The following HCFC1 variants were observed in gnomAD, a reference collection of about 807,000 sequenced individuals.
HCFC1 encodes host cell factor C1, also known as host cell factor 1.
Under a neutral mutation model 105.5 loss-of-function variants are expected in HCFC1, and 7 were observed. The observed-to-expected ratio is 0.07, with a 90% CI of 0.04 to 0.12. The LOEUF (loss-of-function observed/expected upper bound fraction) is 0.12. Ranked by LOEUF, HCFC1 falls within the 10% of genes least tolerant of loss-of-function variation. The pLI is 1.00. For missense variants in HCFC1, 1,065 were observed against 1,823.6 expected, an observed-to-expected ratio of 0.58 and a Z score of 7.58; for synonymous variants, 918 against 828.1, an observed-to-expected ratio of 1.11 and a Z score of -1.86.
At position 153,955,440 on chromosome X, in the gene HCFC1, T is replaced by C; in HGVS notation, c.2959A>G (p.Thr987Ala). The change falls in exon 17 of 26, where the codon ACA becomes GCA. Residue 987 changes from threonine to alanine, a missense_variant. By Grantham distance (58) the Thr-to-Ala change is moderately conservative (BLOSUM62 0). Transcript: ENST00000310441. ...GTAACTGTGGCGGTGGGCTGTTCTG[T>C]AGTCGGGGAGGCCAGAATGGACACA... The part of the protein sequence containing the change: ...LPVSILASPT[T>A]EQPTATVTIA... The C allele has an allele frequency of 3.3e-6, 4 of 1,209,292 alleles. No homozygotes were observed. Among genetic ancestry groups the C allele is most frequent in the Non-Finnish European group, 4.5e-6 (4 of 894,118 alleles).
rs782447273 is a variant in HCFC1 at position 153,964,025 on chromosome X, C to A, written c.503+99G>T. 5.4e-6 allele frequency: 4 copies of A among 744,999 alleles called. No homozygotes were observed. The East Asian group carries it at 1.5e-4, about 27-fold the overall frequency. The allele number at this position is 744,999 out of a possible 1,213,427, so 61.4% of individuals were successfully genotyped here. The stretch of plus-strand genomic sequence containing the variant: ...CCAGCACGAGAAAGGGACCCGGCCA[C>A]GGGGCTCTGCTGCGCACATTCTTTA... On this transcript the variant is annotated intron_variant, in intron 3 of 25. Coordinates refer to ENST00000310441, the MANE Select transcript of HCFC1 (RefSeq NM_005334.3).
Position 153,971,568 on chromosome X carries a change from C to G in HCFC1, c.-728G>C. On this transcript the variant is annotated 5_prime_UTR_variant, in exon 1 of 26. Coordinates refer to ENST00000310441, the MANE Select transcript of HCFC1 (RefSeq NM_005334.3). ...GTCCGCCTCTGCTGCTCAGGCTGCG[C>G]CTGCCGCCGTGGGAGCCGCCATCTT... is the stretch of plus-strand genomic sequence containing the variant. 1 of 294,113 alleles carries G rather than the reference C, an allele frequency of 3.4e-6. No homozygotes were observed. The highest frequency in any genetic ancestry group is 5.9e-6 in the Non-Finnish European group (1 of 168,515). 24.2% of individuals were successfully genotyped at this position (294,113 alleles called of 1,213,427 possible).
In HCFC1 at chrX:153,970,926, G is replaced by T; in HGVS notation, c.-86C>A. On this transcript the variant is annotated 5_prime_UTR_variant, in exon 1 of 26. Coordinates refer to ENST00000310441, the MANE Select transcript of HCFC1 (RefSeq NM_005334.3). Reference sequence around the variant, plus strand: ...CTTTCACACACCCCCTTTCGTCTAAGGCAGCTCTCACGGAGAAGCGGTTTC... The same window carrying T: ...CTTTCACACACCCCCTTTCGTCTAATGCAGCTCTCACGGAGAAGCGGTTTC... 1.2e-6 allele frequency: 1 copy of T among 833,497 alleles called. No homozygotes were observed. The highest frequency in any genetic ancestry group is 1.7e-6 in the Non-Finnish European group (1 of 605,615). The allele number at this position is 833,497 out of a possible 1,213,427, so 68.7% of individuals were successfully genotyped here. A position where few individuals can be genotyped will look rare whatever the true frequency, so the allele number is the denominator to read the frequency against.
chrX:153,962,060 C>T (rs377071036), intron 5 of HCFC1, among the ~76,000 whole-genome samples, 162 bp downstream of exon 5: 4 of 111,449 alleles, frequency 3.6e-5, no homozygotes, highest in African/African-American at 1.3e-4. Context: ...TTCCTTGGTC[C>T]CCCAGGGTCG....
At chrX:153,950,602 A>C in intron 23 of HCFC1, 59 bp from the exon 24 acceptor site, 2 of 1,049,487 alleles carry the variant, frequency 1.9e-6, no homozygotes, top group Non-Finnish European at 2.6e-6. Flanking sequence ...AGAACTGACT[A>C]ATCATGGTTC....
chrX:153,954,559 G>C lies in HCFC1; in HGVS notation c.3840C>G (p.Cys1280Trp). The part of the protein sequence containing the change: ...VTVTALEALL[C>W]PSATVTQVCS... ...AGACTTGGGTCACGGTGGCCGAGGG[G>C]CACAGCAGTGCCTCCAGGGCTGTCA... is the stretch of plus-strand genomic sequence containing the variant. The change falls in exon 17 of 26, where the codon TGC becomes TGG. Residue 1280 changes from cysteine (C) to tryptophan (W), a missense_variant. Transcript: ENST00000310441. 1 of 1,211,453 alleles carries C rather than the reference G, an allele frequency of 8.3e-7. No homozygotes were observed. The highest frequency in any genetic ancestry group is 1.1e-6 in the Non-Finnish European group (1 of 895,227).
chrX:153,953,951 G>A (rs921590315), intron 17 of HCFC1, 115 bp downstream of exon 17: 12 of 955,855 alleles, frequency 1.3e-5, no homozygotes, highest in Non-Finnish European at 1.7e-5. Flanking sequence ...CTGGTAAATT[G>A]GGTGCCAAGG....
chrX:153,961,430 A>G (rs1045146209), intron 6 of HCFC1, 112 bp downstream of exon 6: 3 of 492,083 alleles, frequency 6.1e-6, no homozygotes, highest in Admixed American at 6.3e-5. Context: ...TGGATTCCAA[A>G]GGGAGCCGGG....
At chrX:153,959,646 A>G (rs2065410441) in intron 8 of HCFC1, among the ~76,000 whole-genome samples, 155 bp from the exon 9 acceptor site, 1 of 112,468 alleles carries the variant, frequency 8.9e-6, no homozygotes, top group Non-Finnish European at 1.9e-5. Flanking sequence ...AGGTGGGGCC[A>G]GGCTTTAGCA....
At chrX:153,963,639 G>C (rs2065449330) in intron 3 of HCFC1, among the ~76,000 whole-genome samples, 1 of 112,221 alleles carries the variant, frequency 8.9e-6, no homozygotes, top group South Asian at 3.7e-4. Context: ...CACAGGGTGG[G>C]TGAGGCTGCA....
chrX:153,956,554 T>C (rs1020390756), intron 15 of HCFC1, 71 bp downstream of exon 15: 2 of 1,166,691 alleles, frequency 1.7e-6, no homozygotes, highest in African/African-American at 3.5e-5. Context: ...AGCTGTGCCA[T>C]GGGGATTGAA....
chrX:153,965,339 G>A (rs1320210988), intron 1 of HCFC1, among the ~76,000 whole-genome samples: 2 of 111,588 alleles, frequency 1.8e-5, no homozygotes, highest in African/African-American at 6.5e-5. Flanking sequence ...AGCAGTCTCA[G>A]CAGAGCTGTG....
At position 153,955,177 on chromosome X, in the gene HCFC1, G is replaced by T; in HGVS notation, c.3222C>A (p.Val1074=). 8.3e-7 allele frequency: 1 copy of T among 1,211,193 alleles called. No individual in the cohort carries two copies. The highest frequency in any genetic ancestry group is 1.1e-6 in the Non-Finnish European group (1 of 895,133). The change falls in exon 17 of 26, where the codon GTC becomes GTA. Residue 1074 remains valine (V), a synonymous_variant. Transcript: ENST00000310441. ...GGGTCTCGCAGGGCGGGTTCGAACA[G>T]ACTCGGACCACGCTACCATTCTGCT... The part of the protein sequence containing the change: ...VGQQNGSVVR[V]CSNPPCETHE...
At chrX:153,968,723 C>G (rs1490780207) in intron 1 of HCFC1, among the ~76,000 whole-genome samples, 1 of 112,874 alleles carries the variant, frequency 8.9e-6, no homozygotes, top group Non-Finnish European at 1.9e-5. Context: ...GTGGTGGACT[C>G]TGGAGCCGAC....
chrX:153,960,468 C>T, intron 6 of HCFC1, 54 bp from the exon 7 acceptor site: 2 of 906,235 alleles, frequency 2.2e-6, no homozygotes, highest in Non-Finnish European at 3.0e-6. Flanking sequence ...AAACCCGCCA[C>T]CCCTGGTTGC....
chrX:153,950,648 A>G (rs2148556971), intron 23 of HCFC1, 105 bp from the exon 24 acceptor site: 5 of 887,632 alleles, frequency 5.6e-6, no homozygotes, highest in Non-Finnish European at 7.9e-6. Context: ...GAGATATTCC[A>G]TGTGGTAGTT....
At chrX:153,956,892 C>T in intron 14 of HCFC1, 26 bp downstream of exon 14, 1 of 1,209,788 alleles carries the variant, frequency 8.3e-7, no homozygotes. Flanking sequence ...GGACACTGGG[C>T]TGAGAGACGG....
intron 5 of HCFC1, among the ~76,000 whole-genome samples, 185 bp downstream of exon 5, chrX:153,962,037 C>A (rs111998989): frequency 1.8e-5 from 2 of 111,603 alleles, no homozygotes; most frequent in African/African-American, 3.3e-5. Context: ...CCCTCTCCCC[C>A]CTGAATCTGT....
At chrX:153,959,596 G>T in intron 8 of HCFC1, 105 bp from the exon 9 acceptor site, 1 of 1,021,573 alleles carries the variant, frequency 9.8e-7, no homozygotes, top group East Asian at 3.1e-5. Flanking sequence ...TTGTGTGGGA[G>T]TCTGGCTCTT....
Sources: gnomAD v4.1 joint callset for allele counts (sites outside exome capture counted in the v4.1 genomes callset) on GRCh38, gnomAD v4.1.1 for gene constraint, MANE v1.5 for transcripts, NCBI Gene and HGNC (gene_info 2026-07-23, HGNC 2026-07-21) for gene names.